DIS3L2: variants seen among roughly 807,000 people sequenced by gnomAD.
DIS3L2 encodes the protein DIS3 like 3'-5' exoribonuclease 2, also known as DIS3-like exonuclease 2.
A neutral mutation model predicts 97.5 loss-of-function variants in DIS3L2; 34 were observed. That is an observed-to-expected ratio of 0.35 (90% CI 0.27 to 0.46). The LOEUF (loss-of-function observed/expected upper bound fraction) is 0.46. Among genes scored for constraint, DIS3L2 ranks in the 20% least tolerant of loss-of-function variants. The pLI is 1.00. For missense variants in DIS3L2, 1,038 were observed against 1,146.0 expected, an observed-to-expected ratio of 0.91 and a Z score of 1.36; for synonymous variants, 435 against 445.2, an observed-to-expected ratio of 0.98 and a Z score of 0.29.
rs570999208 is a variant in DIS3L2, at chr2:232,336,548, G to C, written c.2576G>C (p.Arg859Pro). ...CTCAAGTACAGCGCCATCCTGAAGC[G>C]GCCAGGCACCCAGGGCCACCTGGGC... ...TALKYSAILK[R>P]PGTQGHLGPE... Residue 859 changes from arginine to proline, a missense_variant, in exon 21 of 21, where the codon CGG (arginine) becomes CCG (proline). Arg to Pro is a moderately radical substitution (Grantham distance 103, BLOSUM62 -2). Coordinates refer to ENST00000325385, the MANE Select transcript of DIS3L2 (RefSeq NM_152383.5). 17 of 1,609,808 alleles carry C rather than the reference G, an allele frequency of 1.1e-5. No homozygotes were observed. The East Asian group carries it at 3.8e-4, about 36-fold the overall frequency.
At chr2:232,185,765 G>T (rs1378445114) in intron 9 of DIS3L2, among the ~76,000 whole-genome samples, 4 of 151,548 alleles carry the variant, frequency 2.6e-5, no homozygotes, top group Non-Finnish European at 1.5e-5. Context: ...CAGGAGAATT[G>T]CTTGAACCTG....
At chr2:232,165,984 C>A (rs1193667297) in intron 9 of DIS3L2, among the ~76,000 whole-genome samples, 1 of 151,982 alleles carries the variant, frequency 6.6e-6, no homozygotes. Flanking sequence ...ATTCCCCTCT[C>A]ATGGCTCTAT....
At chr2:232,115,533 C>T (rs761200322) in intron 6 of DIS3L2, among the ~76,000 whole-genome samples, 1 of 152,142 alleles carries the variant, frequency 6.6e-6, no homozygotes, top group Non-Finnish European at 1.5e-5. Context: ...AGGCTGTTTG[C>T]CTGTGAATGA....
chr2:231,990,427 C>A (rs951763044), intron 1 of DIS3L2, among the ~76,000 whole-genome samples: 2 of 152,048 alleles, frequency 1.3e-5, no homozygotes, highest in Admixed American at 1.3e-4. Flanking sequence ...CAGTTTGATA[C>A]GAAAGTCTTT....
At chr2:232,310,608 G>A (rs2106330113) in intron 14 of DIS3L2, among the ~76,000 whole-genome samples, 1 of 152,344 alleles carries the variant, frequency 6.6e-6, no homozygotes, top group African/African-American at 2.4e-5. Flanking sequence ...TTTATCTACA[G>A]GAAGAGGAGA....
At chr2:231,991,808 G>A (rs1693591201) in intron 1 of DIS3L2, among the ~76,000 whole-genome samples, 1 of 152,156 alleles carries the variant, frequency 6.6e-6, no homozygotes, top group Admixed American at 6.5e-5. Context: ...GTAATTTACA[G>A]GTTTTGAGAG....
At chr2:232,100,961 T>C (rs1697185831) in intron 6 of DIS3L2, among the ~76,000 whole-genome samples, 1 of 152,060 alleles carries the variant, frequency 6.6e-6, no homozygotes, top group Non-Finnish European at 1.5e-5. Context: ...GGGGGCTGGG[T>C]GTGGTGGCTC....
At position 232,334,742 on chromosome 2, in the gene DIS3L2, G is replaced by C. The variant is rs372069869; in HGVS notation, c.2394+7G>C. 2 of 1,598,736 alleles carry C rather than the reference G, an allele frequency of 1.3e-6. No homozygotes were observed. The highest frequency in any genetic ancestry group is 1.7e-6 in the Non-Finnish European group (2 of 1,173,304). On this transcript the variant is annotated splice_region_variant and intron_variant, in intron 19 of 20. Transcript: ENST00000325385. The stretch of plus-strand genomic sequence containing the variant: ...GAAGCGCATCTACTGCAACGTGAGT[G>C]CCCTGGGAGAGCCCGGGGGCGGGCA...
intron 5 of DIS3L2, among the ~76,000 whole-genome samples, chr2:232,044,545 A>G (rs1003136185): frequency 1.3e-5 from 2 of 152,110 alleles, no homozygotes; most frequent in African/African-American, 4.8e-5. Context: ...ACTTGTTTCG[A>G]CATGTTGAGT....
At chr2:231,972,564 GA>G (rs1692951819) in intron 1 of DIS3L2, among the ~76,000 whole-genome samples, 1 of 152,058 alleles carries the variant, frequency 6.6e-6, no homozygotes, top group South Asian at 2.1e-4. Context: ...TTCTTTTTGA[GA>G]TGGAATCTTG....
chr2:232,161,725 C>T (rs1361583018), intron 8 of DIS3L2, among the ~76,000 whole-genome samples: 1 of 152,026 alleles, frequency 6.6e-6, no homozygotes, highest in African/African-American at 2.4e-5. Flanking sequence ...CCCGCCTTGG[C>T]CTCCCAAAGT....
At chr2:231,976,228 T>C (rs1559508099) in intron 1 of DIS3L2, among the ~76,000 whole-genome samples, 1 of 120,452 alleles carries the variant, frequency 8.3e-6, no homozygotes, top group Non-Finnish European at 1.7e-5. Context: ...TACTGTATGC[T>C]TCTGATCCAG....
intron 9 of DIS3L2, among the ~76,000 whole-genome samples, chr2:232,188,829 G>T (rs1403543572): frequency 2.0e-5 from 3 of 152,106 alleles, no homozygotes; most frequent in African/African-American, 7.2e-5. Flanking sequence ...GAAAATATTT[G>T]TAAACCACAT....
At chr2:232,176,752 C>A (rs1158188119) in intron 9 of DIS3L2, among the ~76,000 whole-genome samples, 1 of 19,640 alleles carries the variant, frequency 5.1e-5, no homozygotes, top group African/African-American at 3.0e-4. Flanking sequence ...CCATGCCCGG[C>A]TATTTTTTTT....
intron 9 of DIS3L2, among the ~76,000 whole-genome samples, chr2:232,181,187 A>C (rs1453873686): frequency 7.4e-5 from 11 of 148,114 alleles, no homozygotes; most frequent in Non-Finnish European, 1.5e-4. Context: ...ATCCGCTGTT[A>C]GTCTGATGGG....
At chr2:232,199,303 G>A (rs1270902736) in intron 9 of DIS3L2, among the ~76,000 whole-genome samples, 2 of 152,184 alleles carry the variant, frequency 1.3e-5, no homozygotes, top group Admixed American at 1.3e-4. Context: ...TGGTATCAGA[G>A]GGAGTCAGCT....
intron 1 of DIS3L2, among the ~76,000 whole-genome samples, chr2:231,962,912 A>G (rs1295576741): frequency 1.3e-5 from 2 of 151,964 alleles, no homozygotes; most frequent in African/African-American, 2.4e-5. Flanking sequence ...AAAGGACATG[A>G]TATCTTCCTT....
chr2:232,343,608 G>C, exon 14 of DIS3L2: 1 of 1,568,206 alleles, frequency 6.4e-7, no homozygotes, highest in Non-Finnish European at 8.7e-7. Context: ...GGCGGAGAAG[G>C]AAAGATTATG....
chr2:232,240,361 T>G (rs13404381), intron 11 of DIS3L2, among the ~76,000 whole-genome samples: 5,162 of 152,144 alleles, frequency 0.034, 287 homozygotes, highest in African/African-American at 0.11. Context: ...ATCCCAGAAG[T>G]GAGAATAGTG....
Sources: allele counts gnomAD v4.1 joint callset (sites outside exome capture counted in the v4.1 genomes callset), GRCh38; gene constraint gnomAD v4.1.1; transcripts MANE v1.5; gene names NCBI Gene and HGNC (gene_info 2026-07-23, HGNC 2026-07-21).